EVI5L: variants seen among roughly 807,000 people sequenced by gnomAD.
EVI5L encodes the protein ecotropic viral integration site 5 like, also known as EVI5-like protein.
Under a neutral mutation model 106.1 loss-of-function variants are expected in EVI5L, and 30 were observed. That is an observed-to-expected ratio of 0.28 (90% CI 0.21 to 0.38). The LOEUF (loss-of-function observed/expected upper bound fraction) is 0.38, where lower values mean the gene tolerates loss of function less well. EVI5L is among the 10% of genes least tolerant of loss of function. The probability of loss-of-function intolerance (pLI) is 1.00; values close to 1 mark genes in which losing one functional copy is unlikely to be tolerated. For synonymous variants in EVI5L, 489 were observed against 483.3 expected (o/e 1.01, Z -0.15); for missense variants, 809 against 1,098.0 (o/e 0.74, Z 3.72).
At position 7,857,670 on chromosome 19, in the gene EVI5L, C is replaced by A; in HGVS notation, c.1234-521C>A. Reference sequence around the variant, plus strand: ...GGCTTTGAGCCTGGAATGGGGGGCCCAAGTTGGGTAGGGGACAAAGATGAG... The same window carrying A: ...GGCTTTGAGCCTGGAATGGGGGGCCAAAGTTGGGTAGGGGACAAAGATGAG... On this transcript the variant is annotated intron_variant, in intron 12 of 19. Transcript: ENST00000538904. The surrounding 1 kb of genome is among the most constrained non-coding windows in gnomAD (Gnocchi z 4.5). 1 of 179,906 alleles carries A rather than the reference C, an allele frequency of 5.6e-6. No individual in the cohort carries two copies. The highest frequency in any genetic ancestry group is 1.2e-5 in the Non-Finnish European group (1 of 85,174). The allele number at this position is 179,906 out of a possible 1,614,324, so 11.1% of individuals were successfully genotyped here.
At chr19:7,844,268 G>T (rs1427390408) in intron 1 of EVI5L, among the ~76,000 whole-genome samples, 1 of 150,862 alleles carries the variant, frequency 6.6e-6, no homozygotes, top group Non-Finnish European at 1.5e-5. Context: ...GGAGGTAGAG[G>T]TTGCAGTGAG....
chr19:7,853,950 C>A (rs1481030057), intron 10 of EVI5L, among the ~76,000 whole-genome samples: 2 of 152,202 alleles, frequency 1.3e-5, no homozygotes, highest in South Asian at 2.1e-4. Flanking sequence ...CTTCCTTGCG[C>A]ATTCTTCCCT....
chr19:7,842,989 G>C (rs1178528124), intron 1 of EVI5L, among the ~76,000 whole-genome samples: 1 of 151,948 alleles, frequency 6.6e-6, no homozygotes, highest in Non-Finnish European at 1.5e-5. Context: ...ATGAGCACGT[G>C]TGTTGAGTGT....
Position 7,857,436 on chromosome 19 carries a change from A to G in EVI5L, c.1233+312A>G. 1.8e-6 allele frequency: 1 copy of G among 549,802 alleles called. No individual in the cohort carries two copies. 34.1% of individuals were successfully genotyped at this position (549,802 alleles called of 1,614,324 possible). ...GGAGGGCTGGGGAACCTAAAACCATATTCACATAAGGCCCTGGTGTGTGCA... is the reference window on the plus strand; with the variant it reads ...GGAGGGCTGGGGAACCTAAAACCATGTTCACATAAGGCCCTGGTGTGTGCA... On this transcript the variant is annotated intron_variant, in intron 12 of 19. Transcript: ENST00000538904. The surrounding 1 kb of genome is among the most constrained non-coding windows in gnomAD (Gnocchi z 4.5).
At chr19:7,853,008 A>G in intron 8 of EVI5L, 78 bp from the exon 9 acceptor site, 2 of 1,469,264 alleles carry the variant, frequency 1.4e-6, no homozygotes, top group Non-Finnish European at 1.9e-6. Context: ...GCCCCCCTCC[A>G]GGGCAACAGG....
Position 7,851,560 on chromosome 19 carries a change from G to T in EVI5L, c.880G>T (p.Asp294Tyr). 1 of 1,612,554 alleles carries T rather than the reference G, an allele frequency of 6.2e-7. No homozygotes were observed. The highest frequency in any genetic ancestry group is 8.5e-7 in the Non-Finnish European group (1 of 1,179,330). The change falls in exon 7 of 20, where the codon GAC becomes TAC. Residue 294 changes from aspartate to tyrosine, a missense_variant. Physicochemically the swap from Asp to Tyr is radical, Grantham distance 160. Coordinates refer to ENST00000538904, the MANE Select transcript of EVI5L (RefSeq NM_001159944.3). ...ACTCCCCGTCGCCACCCGGGTCTTT[G>T]ACATCTTCATGTATGAGGTGAGGAC... ...FPLPVATRVF[D>Y]IFMYEGLEIV...
chr19:7,859,264 T>C (rs537091451), intron 13 of EVI5L: 10 of 151,356 alleles, frequency 6.6e-5, no homozygotes, highest in African/African-American at 2.4e-4. Flanking sequence ...GGACCCCCAG[T>C]GGCTGCAGTC....
chr19:7,853,937 C>G (rs1979390767), intron 10 of EVI5L, among the ~76,000 whole-genome samples: 1 of 152,226 alleles, frequency 6.6e-6, no homozygotes, highest in Admixed American at 6.5e-5. Context: ...AAGCTTCTCT[C>G]TCCTTCCTTG....
intron 1 of EVI5L, among the ~76,000 whole-genome samples, chr19:7,832,480 G>A (rs866063245): frequency 5.9e-5 from 9 of 152,272 alleles, no homozygotes; most frequent in Non-Finnish European, 8.8e-5. Flanking sequence ...CTTCCCCATC[G>A]GAAACTGGGG....
Position 7,857,145 on chromosome 19 carries a change from C to T in EVI5L, c.1233+21C>T. ...TCCAGGTACTGTAGCTTTTTATCCC[C>T]TCTCCGGATTCCTTCCTGGCCCCTT... On this transcript the variant is annotated intron_variant, in intron 12 of 19. Coordinates refer to ENST00000538904, the MANE Select transcript of EVI5L (RefSeq NM_001159944.3). This position sits in a 1 kb window ranked among gnomAD's most constrained non-coding sequence, Gnocchi z 4.5. 2.6e-6 allele frequency: 4 copies of T among 1,551,550 alleles called. No individual in the cohort carries two copies. Among genetic ancestry groups the T allele is most frequent in the Non-Finnish European group, 2.6e-6 (3 of 1,146,978 alleles).
rs976600678 is a variant in EVI5L at position 7,861,933 on chromosome 19, A to G, written c.1559A>G (p.Lys520Arg). The G allele has an allele frequency of 2.3e-5, 35 of 1,550,008 alleles. No individual in the cohort carries two copies. The African/African-American group carries it at 3.4e-4, about 15-fold the overall frequency. ...NNVAQLQEEL[K>R]ALKVREGQAV... The stretch of plus-strand genomic sequence containing the variant: ...GTGGCGCAGCTGCAGGAGGAGCTGA[A>G]GGCGCTCAAGGTGCGGGAAGGCCAG... Residue 520 changes from lysine (K) to arginine (R), a missense_variant, in exon 15 of 20, where the codon AAG becomes AGG. Around this residue, in one of 2 missense-constraint regions of EVI5L, gnomAD observed 452 missense variants for 509.9 expected, o/e 0.89. Coordinates refer to ENST00000538904, the MANE Select transcript of EVI5L (RefSeq NM_001159944.3).
chr19:7,847,675 A>C (rs1979019730), intron 2 of EVI5L, 57 bp from the exon 3 acceptor site: 2 of 1,572,638 alleles, frequency 1.3e-6, no homozygotes, highest in Admixed American at 4.0e-5. Context: ...TGGGCTCGCC[A>C]AGGATCCCTG....
intron 1 of EVI5L, among the ~76,000 whole-genome samples, chr19:7,843,296 CAT>C (rs1277419937): frequency 6.5e-5 from 4 of 61,290 alleles, no homozygotes; most frequent in East Asian, 5.4e-4. Flanking sequence ...GTCATGTGTG[CAT>C]GTGTGTGAGA....
chr19:7,863,922 ATCTTGGTCTGTACCCC>A lies in EVI5L; in HGVS notation c.*223_*238del. ...TCTCTATCCCCAGCAGTGTTTACCCATCTTGGTCTGTACCCCTCCGGGCCCTCTGGCGTTCCAGGGG... is the reference window on the plus strand; with the variant it reads ...TCTCTATCCCCAGCAGTGTTTACCCATCCGGGCCCTCTGGCGTTCCAGGGG... On this transcript the variant is annotated 3_prime_UTR_variant, in exon 20 of 20. Transcript: ENST00000538904. The surrounding 1 kb of genome is among the most constrained non-coding windows in gnomAD (Gnocchi z 7.7). 1.7e-6 allele frequency: 1 copy of A among 601,470 alleles called. No individual in the cohort carries two copies. The highest frequency in any genetic ancestry group is 2.7e-6 in the Non-Finnish European group (1 of 371,580). The allele number at this position is 601,470 out of a possible 1,614,324, so 37.3% of individuals were successfully genotyped here.
intron 1 of EVI5L, among the ~76,000 whole-genome samples, chr19:7,846,031 TG>T (rs1978933012): frequency 6.6e-6 from 1 of 152,190 alleles, no homozygotes; most frequent in Non-Finnish European, 1.5e-5. Flanking sequence ...AGTCAGACAC[TG>T]ATATGGGGCT....
In EVI5L at chr19:7,847,880, G is replaced by T. The variant is rs1456057859; in HGVS notation, c.286G>T (p.Glu96Ter). Residue 96 changes from glutamate to a stop codon, truncating the protein, a stop_gained, in exon 3 of 20, where the codon GAG becomes TAG. Coordinates refer to ENST00000538904, the MANE Select transcript of EVI5L (RefSeq NM_001159944.3). LOFTEE classifies it high-confidence loss of function. ...GATCCTGTGGGGCCGGATCGCCAAC[G>T]AGTGGGAGGAGTGGCGGCGCAGGAA... ...TWILWGRIAN[E>*]WEEWRRRKEK... 1 of 1,580,248 alleles carries T rather than the reference G, an allele frequency of 6.3e-7. No individual in the cohort carries two copies. The highest frequency in any genetic ancestry group is 8.6e-7 in the Non-Finnish European group (1 of 1,162,614).
intron 1 of EVI5L, among the ~76,000 whole-genome samples, chr19:7,843,915 T>C (rs912227330): frequency 9.9e-5 from 15 of 151,954 alleles, no homozygotes; most frequent in Non-Finnish European, 1.8e-4. Flanking sequence ...GATCAGAAGG[T>C]TCCTGCCTCT....
rs759416468 is a variant in EVI5L, at chr19:7,862,983, G to T, written c.1959G>T (p.Glu653Asp). 1.3e-6 allele frequency: 2 copies of T among 1,571,820 alleles called. No homozygotes were observed. The highest frequency in any genetic ancestry group is 8.6e-7 in the Non-Finnish European group (1 of 1,167,820). ...TCCCCCGACCCCAGAGCAAGGAGGAGGTGATGGCTGTGCGACTGCGGGAGG... is the reference window on the plus strand; with the variant it reads ...TCCCCCGACCCCAGAGCAAGGAGGATGTGATGGCTGTGCGACTGCGGGAGG... ...QAEAECKSKE[E>D]VMAVRLREAD... Residue 653 changes from glutamate (E) to aspartate (D), a missense_variant, in exon 18 of 20, where the codon GAG becomes GAT. Coordinates refer to ENST00000538904, the MANE Select transcript of EVI5L (RefSeq NM_001159944.3).
In EVI5L at chr19:7,857,485, AACACATG is replaced by A; in HGVS notation, c.1233+362_1233+368del. 1 of 445,264 alleles carries A rather than the reference AACACATG, an allele frequency of 2.2e-6. No individual in the cohort carries two copies. Among genetic ancestry groups the A allele is most frequent in the Non-Finnish European group, 4.2e-6 (1 of 240,082 alleles). The allele number at this position is 445,264 out of a possible 1,614,324, so 27.6% of individuals were successfully genotyped here. ...CAGTGCTGCGGTCACACACACACAC[AACACATG>A]CACACACACACACGCACACACACGC... On this transcript the variant is annotated intron_variant, in intron 12 of 19. Transcript: ENST00000538904. This position sits in a 1 kb window ranked among gnomAD's most constrained non-coding sequence, Gnocchi z 4.5.
Sources: allele counts gnomAD v4.1 joint callset (sites outside exome capture counted in the v4.1 genomes callset), GRCh38; gene constraint gnomAD v4.1.1; regional missense constraint gnomAD v4.1.1; non-coding constraint Gnocchi (gnomAD v3.1); transcripts MANE v1.5; gene names NCBI Gene and HGNC (gene_info 2026-07-23, HGNC 2026-07-21).